Variants in CALN1 observed in about 807,000 individuals in gnomAD.
CALN1 encodes the protein calneuron 1, also known as calcium-binding protein 8.
CALN1 carries 17 observed loss-of-function variants against 30.6 expected under a neutral mutation model. That is an observed-to-expected ratio of 0.56 (90% CI 0.38 to 0.83). CALN1 has a LOEUF of 0.83. Among genes scored for constraint, CALN1 ranks in the 40% least tolerant of loss-of-function variants. The pLI, the probability that CALN1 is intolerant of heterozygous loss-of-function variation, is 0.00. For missense variants in CALN1, 291 were observed against 354.9 expected (o/e 0.82, Z 1.45); for synonymous variants, 156 against 131.4 (o/e 1.19, Z -1.28).
In CALN1 at chr7:72,403,313, G is replaced by A. The variant is rs376303075; in HGVS notation, c.57C>T (p.Asp19=). The A allele has an allele frequency of 2.5e-4, 390 of 1,549,746 alleles. No homozygotes were observed. Among genetic ancestry groups the A allele is most frequent in the Non-Finnish European group, 3.1e-4 (360 of 1,146,966 alleles). ...CCTCTCCCCCTCCGAGGGCTCCTCC[G>A]TCCCCCTTTTTCTCATTCTCGGGCT... ...EGKPENEKKG[D]GGALGGGEEP... Residue 19 remains aspartate (D), a synonymous_variant, in exon 2 of 7, where the codon GAC becomes GAT. Transcript: ENST00000395275.
chr7:72,207,846 A>G (rs547923204), intron 3 of CALN1, among the ~76,000 whole-genome samples: 2 of 152,322 alleles, frequency 1.3e-5, no homozygotes, highest in South Asian at 4.1e-4. Flanking sequence ...ATGCATATAT[A>G]TTACTTTTAT....
intron 5 of CALN1, among the ~76,000 whole-genome samples, chr7:71,864,928 G>C (rs1027222726): frequency 1.3e-5 from 2 of 152,056 alleles, no homozygotes; most frequent in Non-Finnish European, 2.9e-5. Flanking sequence ...TCTTGAGCCT[G>C]GGAGGTGGAT....
At chr7:71,946,729 T>A (rs1345617971) in intron 5 of CALN1, among the ~76,000 whole-genome samples, 1 of 152,124 alleles carries the variant, frequency 6.6e-6, no homozygotes, top group Non-Finnish European at 1.5e-5. Flanking sequence ...TGAAAAGGCC[T>A]TTTTTCCTCC....
intron 3 of CALN1, among the ~76,000 whole-genome samples, chr7:72,139,414 G>A (rs1230071759): frequency 6.8e-6 from 1 of 147,082 alleles, no homozygotes. Context: ...AAGCACCTCA[G>A]CCACGCCCAC....
In CALN1 at chr7:72,348,568, C is replaced by G. The variant is rs79670345; in HGVS notation, c.119+54683G>C. ...AAATCCCATGCCGCTAGGCAGAGAACAGTTAGTGGAGAGTTGTTAAGTCGA... is the reference window on the plus strand; with the variant it reads ...AAATCCCATGCCGCTAGGCAGAGAAGAGTTAGTGGAGAGTTGTTAAGTCGA... On this transcript the variant is annotated intron_variant, in intron 2 of 6. Coordinates refer to ENST00000395275, the MANE Select transcript of CALN1 (RefSeq NM_031468.4). Among the ~76,000 whole-genome samples, 530 of 152,314 alleles carry G rather than the reference C, an allele frequency of 3.5e-3. 4 individuals are homozygous for G. Among genetic ancestry groups the G allele is most frequent in the Middle Eastern group, 0.017 (5 of 294 alleles).
At chr7:72,070,204 G>C (rs776045406) in intron 4 of CALN1, among the ~76,000 whole-genome samples, 3 of 152,364 alleles carry the variant, frequency 2.0e-5, no homozygotes, top group Admixed American at 6.5e-5. Flanking sequence ...AGGGAGGGCA[G>C]AGGAAGGTGA....
intron 5 of CALN1, among the ~76,000 whole-genome samples, chr7:71,986,006 G>A (rs537291917): frequency 6.6e-6 from 1 of 152,124 alleles, no homozygotes; most frequent in East Asian, 1.9e-4. Context: ...ATATTCTGCA[G>A]CATTTAAAAT....
At chr7:72,417,204 G>A (rs1158351172), upstream of CALN1, among the ~76,000 whole-genome samples, 6 of 152,202 alleles carry the variant, frequency 3.9e-5, no homozygotes, top group Admixed American at 3.9e-4. Context: ...CCTCCCGAGG[G>A]AGGACATGAG....
intron 2 of CALN1, among the ~76,000 whole-genome samples, chr7:72,360,732 A>G (rs1562921292): frequency 2.0e-5 from 3 of 150,132 alleles, no homozygotes; most frequent in Admixed American, 2.0e-4. Flanking sequence ...CCTAGAACTT[A>G]AAAGTATAAT....
intron 3 of CALN1, among the ~76,000 whole-genome samples, chr7:72,129,490 T>G (rs1018339357): frequency 2.6e-5 from 4 of 152,208 alleles, no homozygotes; most frequent in Admixed American, 2.6e-4. Context: ...AAGATCATAT[T>G]TAATGATACT....
intron 5 of CALN1, among the ~76,000 whole-genome samples, chr7:71,892,672 T>C (rs966075462): frequency 1.2e-4 from 18 of 152,208 alleles, no homozygotes; most frequent in Non-Finnish European, 1.9e-4. Context: ...ATATTTTTCC[T>C]GGTTTCTTGT....
chr7:72,027,490 C>G (rs1177662436), intron 4 of CALN1, among the ~76,000 whole-genome samples: 1 of 151,890 alleles, frequency 6.6e-6, no homozygotes, highest in African/African-American at 2.4e-5. Context: ...GAGGGTGGAT[C>G]ACTTAAGGCC....
intron 2 of CALN1, among the ~76,000 whole-genome samples, chr7:72,393,101 T>C (rs541646605): frequency 1.3e-5 from 2 of 151,950 alleles, no homozygotes; most frequent in South Asian, 4.2e-4. Context: ...GAAGGACAAT[T>C]ACAGGGTCAT....
At chr7:72,451,831 T>C (rs1808673381), upstream of CALN1, among the ~76,000 whole-genome samples, 1 of 129,594 alleles carries the variant, frequency 7.7e-6, no homozygotes, top group Admixed American at 8.0e-5. Flanking sequence ...AATCTAATTT[T>C]AGATGTGGTG....
At chr7:72,170,281 C>T (rs953266560) in intron 3 of CALN1, among the ~76,000 whole-genome samples, 1 of 152,154 alleles carries the variant, frequency 6.6e-6, no homozygotes, top group Non-Finnish European at 1.5e-5. Context: ...GCCTGGCTAC[C>T]TCTCTAACTC....
intron 3 of CALN1, among the ~76,000 whole-genome samples, chr7:72,154,758 G>C (rs1009038186): frequency 6.6e-6 from 1 of 152,148 alleles, no homozygotes; most frequent in Non-Finnish European, 1.5e-5. Flanking sequence ...AGAAGAGGAA[G>C]AGAGCCAGGC....
intron 1 of CALN1, among the ~76,000 whole-genome samples, chr7:72,445,965 C>T (rs201921291): frequency 6.6e-6 from 1 of 152,136 alleles, no homozygotes; most frequent in East Asian, 1.9e-4. Context: ...TTTAAAGCCC[C>T]TGGAAAATTC....
At chr7:72,411,641 G>T (rs1020769635) in intron 1 of CALN1, among the ~76,000 whole-genome samples, 6 of 152,162 alleles carry the variant, frequency 3.9e-5, no homozygotes, top group African/African-American at 1.4e-4. Context: ...GAGGAAATAC[G>T]AAAAGTCTTG....
chr7:72,494,377 T>C, the CALN1 span, among the ~76,000 whole-genome samples: 2 of 152,208 alleles, frequency 1.3e-5, no homozygotes, highest in South Asian at 4.1e-4. Flanking sequence ...TACCTTTATT[T>C]GTTCACTAAT....
Sources: gnomAD v4.1 joint callset for allele counts (sites outside exome capture counted in the v4.1 genomes callset) on GRCh38, gnomAD v4.1.1 for gene constraint, MANE v1.5 for transcripts, NCBI Gene and HGNC (gene_info 2026-07-23, HGNC 2026-07-21) for gene names.